HTR7: variants seen among roughly 807,000 people sequenced by gnomAD.
The protein encoded by HTR7 is 5-HT-7.
Under a neutral mutation model 34.0 loss-of-function variants are expected in HTR7, and 16 were observed. That is an observed-to-expected ratio of 0.47 (90% CI 0.32 to 0.71). The LOEUF is 0.71. HTR7 is among the 30% of genes least tolerant of loss of function. The pLI, the probability that HTR7 is intolerant of heterozygous loss-of-function variation, is 0.04. For synonymous variants in HTR7, 265 were observed against 260.2 expected (o/e 1.02, Z -0.18); for missense variants, 504 against 625.5 (o/e 0.81, Z 2.07).
chr10:90,758,605 TAC>T (rs1844877425), intron 1 of HTR7, among the ~76,000 whole-genome samples: 1 of 152,120 alleles, frequency 6.6e-6, no homozygotes, highest in Non-Finnish European at 1.5e-5. Flanking sequence ...GTAAAAAGTA[TAC>T]AGTGATATAA....
chr10:90,767,385 A>T (rs1417829371), intron 1 of HTR7, among the ~76,000 whole-genome samples: 1 of 152,132 alleles, frequency 6.6e-6, no homozygotes, highest in East Asian at 1.9e-4. Context: ...ACCATATTCA[A>T]TTTCTCTGAA....
intron 1 of HTR7, among the ~76,000 whole-genome samples, chr10:90,797,281 C>T (rs756337517): frequency 1.1e-4 from 17 of 152,100 alleles, no homozygotes; most frequent in South Asian, 4.1e-4. Context: ...ACACATTTTA[C>T]GGAGAAGGAA....
chr10:90,808,257 G>A (rs1371021268), intron 1 of HTR7, among the ~76,000 whole-genome samples: 2 of 151,230 alleles, frequency 1.3e-5, no homozygotes, highest in East Asian at 3.9e-4. Flanking sequence ...CCACCTTTCT[G>A]GGGGGCAAGA....
chr10:90,749,649 C>T lies in HTR7; in HGVS notation c.540-55G>A. 1 of 1,517,104 alleles carries T rather than the reference C, an allele frequency of 6.6e-7. No homozygotes were observed. The highest frequency in any genetic ancestry group is 1.3e-5 in the South Asian group (1 of 78,304). 94.0% of individuals were successfully genotyped at this position (1,517,104 alleles called of 1,614,324 possible). A position where few individuals can be genotyped will look rare whatever the true frequency, so the allele number is the denominator to read the frequency against. On this transcript the variant is annotated intron_variant, in intron 1 of 3. Coordinates refer to ENST00000336152, the MANE Select transcript of HTR7 (RefSeq NM_019859.4). This position sits in a 1 kb window ranked among gnomAD's most constrained non-coding sequence, Gnocchi z 4.2. ...AACACCGTGATCATAACTGGTCAACCAAGCAAGTCCTGCCAGCCAGGTACC... is the reference window on the plus strand; with the variant it reads ...AACACCGTGATCATAACTGGTCAACTAAGCAAGTCCTGCCAGCCAGGTACC...
chr10:90,836,596 G>A (rs556944483), intron 1 of HTR7, among the ~76,000 whole-genome samples: 21 of 152,034 alleles, frequency 1.4e-4, no homozygotes, highest in Admixed American at 2.6e-4. Context: ...CTGTAGCCTC[G>A]ACCTCTGGGG....
chr10:90,797,992 G>C (rs1182677189), intron 1 of HTR7, among the ~76,000 whole-genome samples: 1 of 152,146 alleles, frequency 6.6e-6, no homozygotes, highest in Non-Finnish European at 1.5e-5. Context: ...CTTTTATCAG[G>C]AGGCCACTCT....
chr10:90,853,671 A>G (rs1846534983), intron 1 of HTR7, among the ~76,000 whole-genome samples: 1 of 152,138 alleles, frequency 6.6e-6, no homozygotes, highest in African/African-American at 2.4e-5. Flanking sequence ...CTTGGATGAC[A>G]AGATATTCTA....
At chr10:90,831,919 G>C (rs946218538) in intron 1 of HTR7, among the ~76,000 whole-genome samples, 2 of 152,120 alleles carry the variant, frequency 1.3e-5, no homozygotes, top group African/African-American at 2.4e-5. Context: ...TGTTCTGCGA[G>C]TCCCCACCAG....
rs200485415 is a variant in HTR7 at position 90,855,576 on chromosome 10, C to CAGTCAG, written c.539+1551_539+1556dup. ...GGATGCTCTGTTTTGGTTGGCTGAG[C>CAGTCAG]AGTCAGATTTCTGTGCTTATAATTC... On this transcript the variant is annotated intron_variant, in intron 1 of 3. Transcript: ENST00000336152. Among the ~76,000 whole-genome samples the CAGTCAG allele has an allele frequency of 1.1e-4, 16 of 152,342 alleles. No homozygotes were observed. In the East Asian group the frequency reaches 2.9e-3, roughly 27 times the overall value.
intron 1 of HTR7, among the ~76,000 whole-genome samples, chr10:90,780,298 G>T (rs1318873645): frequency 2.0e-5 from 3 of 152,182 alleles, no homozygotes; most frequent in Non-Finnish European, 4.4e-5. Flanking sequence ...TATTTTGGGA[G>T]GCCAAGGCAG....
chr10:90,796,322 G>A (rs187011854), intron 1 of HTR7, among the ~76,000 whole-genome samples: 38 of 152,308 alleles, frequency 2.5e-4, no homozygotes, highest in Non-Finnish European at 1.5e-5. Context: ...AAAACAATGA[G>A]GAATGTATCA....
chr10:90,747,296 A>G (rs1359056836), intron 2 of HTR7, among the ~76,000 whole-genome samples: 1 of 152,218 alleles, frequency 6.6e-6, no homozygotes, highest in East Asian at 1.9e-4. Context: ...TCTGATTAAG[A>G]CATTGTTCCT....
intron 1 of HTR7, among the ~76,000 whole-genome samples, chr10:90,810,264 C>G (rs934921200): frequency 6.6e-6 from 1 of 152,092 alleles, no homozygotes. Flanking sequence ...ACCTTTTCCC[C>G]CACTTCAAAG....
intron 1 of HTR7, among the ~76,000 whole-genome samples, chr10:90,785,808 CA>C (rs1383520040): frequency 4.3e-4 from 65 of 152,266 alleles, no homozygotes; most frequent in African/African-American, 1.5e-3. Flanking sequence ...CAGAACGCAC[CA>C]CAACACCTGA....
chr10:90,849,526 G>A (rs1195993464), intron 1 of HTR7, among the ~76,000 whole-genome samples: 2 of 152,148 alleles, frequency 1.3e-5, no homozygotes, highest in African/African-American at 2.4e-5. Flanking sequence ...AACTGAGAAA[G>A]GTCAATGTGA....
In HTR7 at chr10:90,839,008, G is replaced by A. The variant is rs77972407; in HGVS notation, c.539+18125C>T. ...TATTTGCCTTGCTTATGATAAGGAA[G>A]ACTAACCAACATAGATTAGGTAGTC... On this transcript the variant is annotated intron_variant, in intron 1 of 3. Transcript: ENST00000336152. 2.3e-4 allele frequency among the ~76,000 whole-genome samples: 35 copies of A among 152,298 alleles called. No homozygotes were observed. The East Asian group carries it at 6.2e-3, about 27-fold the overall frequency.
At chr10:90,764,120 A>T (rs1411663770) in intron 1 of HTR7, among the ~76,000 whole-genome samples, 1 of 152,042 alleles carries the variant, frequency 6.6e-6, no homozygotes, top group Non-Finnish European at 1.5e-5. Context: ...ACCAGAATCT[A>T]TTGTTTTTGG....
intron 1 of HTR7, among the ~76,000 whole-genome samples, chr10:90,789,630 A>C (rs1475769120): frequency 3.9e-5 from 6 of 152,222 alleles, no homozygotes; most frequent in African/African-American, 1.4e-4. Flanking sequence ...TGAAAATGAT[A>C]AACAAAACAG....
chr10:90,806,808 G>A lies in HTR7; in HGVS notation c.539+50325C>T, dbSNP rs1214982399. Among the ~76,000 whole-genome samples the A allele has an allele frequency of 2.0e-5, 3 of 152,110 alleles. No homozygotes were observed. The South Asian group carries it at 6.2e-4, about 32-fold the overall frequency. ...TAATAGCTAAAACAAAAGTAAAAGA[G>A]TGTGCTGGGCTGGGCCTTGGCCAAA... On this transcript the variant is annotated intron_variant, in intron 1 of 3. Coordinates refer to ENST00000336152, the MANE Select transcript of HTR7 (RefSeq NM_019859.4).
Sources: allele counts gnomAD v4.1 joint callset (sites outside exome capture counted in the v4.1 genomes callset), GRCh38; gene constraint gnomAD v4.1.1; non-coding constraint Gnocchi (gnomAD v3.1); transcripts MANE v1.5; gene names NCBI Gene and HGNC (gene_info 2026-07-23, HGNC 2026-07-21).